Variants in REDIC1 observed in about 807,000 individuals in gnomAD.
REDIC1 encodes regulator of DNA class I crossover intermediates 1.
the REDIC1 span, among the ~76,000 whole-genome samples, chr12:39,867,791 G>A: frequency 1.3e-3 from 192 of 152,228 alleles, no homozygotes; most frequent in African/African-American, 4.4e-3. Context: ...GGAAGCAAAT[G>A]CCTGGATGTA....
chr12:39,875,749 A>C, the REDIC1 span, among the ~76,000 whole-genome samples: 1 of 152,218 alleles, frequency 6.6e-6, no homozygotes, highest in Non-Finnish European at 1.5e-5. Context: ...TAATTTTAAA[A>C]GTCAGGTCAT....
chr12:39,864,650 A>C, the REDIC1 span: 1 of 1,407,882 alleles, frequency 7.1e-7, no homozygotes, highest in African/African-American at 1.5e-5. Flanking sequence ...TTCTTACATA[A>C]GCCTGGATGC....
the REDIC1 span, among the ~76,000 whole-genome samples, chr12:39,731,443 A>G: frequency 0.98 from 149,234 of 152,334 alleles, 73,110 homozygotes; most frequent in East Asian, 1. Context: ...CTGGAGGTCC[A>G]CTCCAGGCCC....
chr12:39,673,665 A>C, the REDIC1 span, among the ~76,000 whole-genome samples: 1 of 152,108 alleles, frequency 6.6e-6, no homozygotes, highest in African/African-American at 2.4e-5. Context: ...GTATCTAACC[A>C]TTCTGTATCT....
the REDIC1 span, among the ~76,000 whole-genome samples, chr12:39,677,150 C>T: frequency 6.6e-6 from 1 of 151,948 alleles, no homozygotes; most frequent in African/African-American, 2.4e-5. Flanking sequence ...CATTTAGTGT[C>T]AGAATGAATA....
At chr12:39,707,265 A>T in the REDIC1 span, among the ~76,000 whole-genome samples, 1 of 152,004 alleles carries the variant, frequency 6.6e-6, no homozygotes, top group African/African-American at 2.4e-5. Context: ...AGGATGCTCA[A>T]CATCACTGAT....
chr12:39,827,599 T>C, the REDIC1 span, among the ~76,000 whole-genome samples: 1 of 152,148 alleles, frequency 6.6e-6, no homozygotes, highest in Non-Finnish European at 1.5e-5. Context: ...GTGGGATGCA[T>C]GTTGGAGGTG....
At chr12:39,711,204 T>G in the REDIC1 span, among the ~76,000 whole-genome samples, 1 of 151,112 alleles carries the variant, frequency 6.6e-6, no homozygotes, top group Non-Finnish European at 1.5e-5. Flanking sequence ...TTCCTTCCTT[T>G]TTATGGCTGC....
chr12:39,752,173 C>T, the REDIC1 span, among the ~76,000 whole-genome samples: 17 of 152,130 alleles, frequency 1.1e-4, no homozygotes, highest in African/African-American at 3.4e-4. Context: ...CCTCAGTGCC[C>T]ACGCCATGGA....
the REDIC1 span, among the ~76,000 whole-genome samples, chr12:39,905,365 G>A: frequency 6.6e-5 from 10 of 152,074 alleles, no homozygotes; most frequent in Non-Finnish European, 1.5e-5. Context: ...TGCACAGTGC[G>A]CTGTGGGCCT....
chr12:39,720,889 G>A, the REDIC1 span: 5 of 1,613,216 alleles, frequency 3.1e-6, no homozygotes, highest in African/African-American at 1.3e-5. Flanking sequence ...AGAAAGGATG[G>A]CAAAACTTTC....
chr12:39,881,025 A>G, the REDIC1 span, among the ~76,000 whole-genome samples: 2 of 152,224 alleles, frequency 1.3e-5, no homozygotes, highest in Non-Finnish European at 2.9e-5. Flanking sequence ...GATTGTTCCC[A>G]AACCTGTTTA....
chr12:39,653,933 A>AT, the REDIC1 span, among the ~76,000 whole-genome samples: 1 of 147,908 alleles, frequency 6.8e-6, no homozygotes, highest in Non-Finnish European at 1.5e-5. Flanking sequence ...TTAAAGTATG[A>AT]TGTTAGCTAT....
the REDIC1 span, among the ~76,000 whole-genome samples, chr12:39,761,855 A>G: frequency 1.3e-5 from 2 of 152,086 alleles, no homozygotes; most frequent in African/African-American, 2.4e-5. Context: ...ACTTTTAAAT[A>G]TAATAGTATA....
chr12:39,897,519 C>A, the REDIC1 span, among the ~76,000 whole-genome samples: 1 of 152,138 alleles, frequency 6.6e-6, no homozygotes, highest in Non-Finnish European at 1.5e-5. Flanking sequence ...AGGTTAGGCA[C>A]CACTGTGTAA....
chr12:39,840,907 T>G, the REDIC1 span, among the ~76,000 whole-genome samples: 1 of 152,136 alleles, frequency 6.6e-6, no homozygotes, highest in African/African-American at 2.4e-5. Context: ...CTTATATTGA[T>G]AGAAGATTTG....
chr12:39,711,474 TGTATGTGTATATATGTATATAA>T, the REDIC1 span, among the ~76,000 whole-genome samples: 21 of 144,408 alleles, frequency 1.5e-4, no homozygotes, highest in African/African-American at 5.0e-4. Flanking sequence ...CATACATATA[TGTATGTGTATATATGTATATAA>T]GTATGTATAT....
At chr12:39,686,441 G>C in the REDIC1 span, among the ~76,000 whole-genome samples, 6 of 152,214 alleles carry the variant, frequency 3.9e-5, no homozygotes, top group Admixed American at 1.3e-4. Context: ...AGACTGAGCT[G>C]TACATGGGCC....
chr12:39,830,963 G>GA, the REDIC1 span, among the ~76,000 whole-genome samples: 1 of 152,142 alleles, frequency 6.6e-6, no homozygotes, highest in African/African-American at 2.4e-5. Context: ...TCTAACTGCA[G>GA]AAAAAATTTA....
Sources: allele counts gnomAD v4.1 joint callset (sites outside exome capture counted in the v4.1 genomes callset), GRCh38; gene constraint gnomAD v4.1.1; transcripts MANE v1.5; gene names NCBI Gene and HGNC (gene_info 2026-07-23, HGNC 2026-07-21).